Variants in COL14A1 observed in about 807,000 individuals in gnomAD.
COL14A1 encodes the protein collagen type XIV alpha 1 chain.
Under a neutral mutation model 230.3 loss-of-function variants are expected in COL14A1, and 136 were observed. That is an observed-to-expected ratio of 0.59 (90% CI 0.51 to 0.68). The LOEUF is 0.68. Among genes scored for constraint, COL14A1 ranks in the 30% least tolerant of loss-of-function variants. The pLI is 0.00. For synonymous variants in COL14A1, 792 were observed against 784.1 expected (o/e 1.01, Z -0.17); for missense variants, 1,976 against 2,215.8 (o/e 0.89, Z 2.17).
intron 34 of COL14A1, among the ~76,000 whole-genome samples, chr8:120,295,906 C>G (rs1454642267): frequency 6.6e-6 from 1 of 151,828 alleles, no homozygotes; most frequent in East Asian, 1.9e-4. Flanking sequence ...CCCAGGCAGT[C>G]TAGCTCCATA....
intron 14 of COL14A1, among the ~76,000 whole-genome samples, chr8:120,217,445 G>T (rs1817789530): frequency 1.3e-5 from 2 of 152,150 alleles, no homozygotes; most frequent in African/African-American, 4.8e-5. Context: ...CTAAGGCAAA[G>T]AAGGAAATAT....
In COL14A1 at chr8:120,209,902, G is replaced by A. The variant is rs764414167; in HGVS notation, c.1467+1G>A. ...GGGCCTGGCTGGGGATGAAAAAGAG[G>A]TAACCACTTCCTACCTATTACAGTC... On this transcript the variant is annotated splice_donor_variant, in intron 12 of 47. Coordinates refer to ENST00000297848, the MANE Select transcript of COL14A1 (RefSeq NM_021110.4). LOFTEE classifies it high-confidence loss of function. 1.9e-6 allele frequency: 3 copies of A among 1,601,036 alleles called. No individual in the cohort carries two copies. The highest frequency in any genetic ancestry group is 1.7e-6 in the Non-Finnish European group (2 of 1,175,226).
intron 42 of COL14A1, among the ~76,000 whole-genome samples, chr8:120,340,105 AGTGAGT>A (rs986529247): frequency 2.2e-4 from 25 of 112,050 alleles, no homozygotes; most frequent in African/African-American, 9.2e-4. Context: ...TTTGTGAGTG[AGTGAGT>A]GTGTGTGTGT....
At chr8:120,254,992 A>AAAAC (rs879712894) in intron 22 of COL14A1, among the ~76,000 whole-genome samples, 1 of 152,176 alleles carries the variant, frequency 6.6e-6, no homozygotes, top group South Asian at 2.1e-4. Context: ...ACCCCATCTC[A>AAAAC]AAACAAACAA....
chr8:120,258,674 C>A (rs368612408), intron 23 of COL14A1, among the ~76,000 whole-genome samples: 48 of 152,230 alleles, frequency 3.2e-4, no homozygotes, highest in African/African-American at 1.1e-3. Flanking sequence ...AAAGTCTTCT[C>A]AGGAAAGACT....
chr8:120,128,551 A>C lies in COL14A1; in HGVS notation c.-38+3211A>C, dbSNP rs554702078. ...AGAGTTCAAGGCCAGCATGGCCAAC[A>C]TGGCAAAACCCCATCTCTACTAAAA... On this transcript the variant is annotated intron_variant, in intron 1 of 47. Coordinates refer to ENST00000297848, the MANE Select transcript of COL14A1 (RefSeq NM_021110.4). Among the ~76,000 whole-genome samples the C allele has an allele frequency of 2.0e-5, 3 of 152,320 alleles. No individual in the cohort carries two copies. The South Asian group carries it at 6.2e-4, about 32-fold the overall frequency.
chr8:120,131,084 G>A (rs1234527297), intron 1 of COL14A1, among the ~76,000 whole-genome samples: 2 of 152,182 alleles, frequency 1.3e-5, no homozygotes, highest in East Asian at 3.8e-4. Flanking sequence ...ATTCCATGGT[G>A]TATATGTACC....
At chr8:120,267,263 C>T (rs928693192) in intron 25 of COL14A1, among the ~76,000 whole-genome samples, 1 of 151,890 alleles carries the variant, frequency 6.6e-6, no homozygotes, top group East Asian at 1.9e-4. Flanking sequence ...TTCCTCATCA[C>T]AACAGTTCCT....
At chr8:120,177,035 G>A (rs1816305186) in intron 5 of COL14A1, among the ~76,000 whole-genome samples, 1 of 152,170 alleles carries the variant, frequency 6.6e-6, no homozygotes, top group Admixed American at 6.5e-5. Context: ...TGAGGGAAAA[G>A]TCTTGAGAAT....
At chr8:120,304,927 G>A (rs1225986047) in intron 36 of COL14A1, among the ~76,000 whole-genome samples, 1 of 151,938 alleles carries the variant, frequency 6.6e-6, no homozygotes, top group Non-Finnish European at 1.5e-5. Context: ...TTACAAAGAA[G>A]CAGTGGAAAT....
Position 120,296,675 on chromosome 8 carries a change from G to A in COL14A1, c.4237-836G>A, listed in dbSNP as rs569616099. ...GGAAGAAATATAGTAAAAATGATTG[G>A]GTCATTAAGCTAGTGTTAGCCCTTA... On this transcript the variant is annotated intron_variant, in intron 34 of 47. Transcript: ENST00000297848. 3.4e-4 allele frequency among the ~76,000 whole-genome samples: 51 copies of A among 151,958 alleles called. No individual in the cohort carries two copies. In the South Asian group the frequency reaches 9.8e-3, roughly 29 times the overall value.
intron 4 of COL14A1, among the ~76,000 whole-genome samples, chr8:120,167,087 A>T (rs1452219026): frequency 6.6e-6 from 1 of 151,582 alleles, no homozygotes; most frequent in Non-Finnish European, 1.5e-5. Context: ...TATATCCTGG[A>T]ATTTAATCTC....
chr8:120,341,597 A>G (rs1211156246), intron 43 of COL14A1, among the ~76,000 whole-genome samples: 1 of 152,206 alleles, frequency 6.6e-6, no homozygotes, highest in Non-Finnish European at 1.5e-5. Context: ...ATCCAGGTCA[A>G]TGAACTTGGG....
intron 40 of COL14A1, among the ~76,000 whole-genome samples, chr8:120,326,308 A>G (rs1224805035): frequency 6.6e-6 from 1 of 152,230 alleles, no homozygotes; most frequent in East Asian, 1.9e-4. Flanking sequence ...TTGGAACTCT[A>G]TAGTCTCTCA....
At chr8:120,202,963 A>G (rs1817297705) in intron 8 of COL14A1, among the ~76,000 whole-genome samples, 2 of 142,450 alleles carry the variant, frequency 1.4e-5, no homozygotes, top group Non-Finnish European at 3.1e-5. Context: ...TCCTTGGCTT[A>G]ATGCTATACA....
At chr8:120,167,128 A>G (rs1477406210) in intron 4 of COL14A1, among the ~76,000 whole-genome samples, 1 of 152,120 alleles carries the variant, frequency 6.6e-6, no homozygotes, top group Non-Finnish European at 1.5e-5. Context: ...AAGGTTTCTA[A>G]GAAAAGGAAT....
chr8:120,175,433 C>T (rs1345280554), intron 5 of COL14A1, among the ~76,000 whole-genome samples: 2 of 151,950 alleles, frequency 1.3e-5, no homozygotes, highest in Non-Finnish European at 2.9e-5. Flanking sequence ...CACCAGCCTT[C>T]TTTGTTTTGT....
At chr8:120,224,426 G>A (rs1818032408) in intron 14 of COL14A1, among the ~76,000 whole-genome samples, 1 of 152,192 alleles carries the variant, frequency 6.6e-6, no homozygotes, top group African/African-American at 2.4e-5. Flanking sequence ...ATCATTTGGT[G>A]TTGCTCCCGT....
At chr8:120,366,016 C>CA (rs1342579861) in intron 45 of COL14A1, among the ~76,000 whole-genome samples, 2 of 152,138 alleles carry the variant, frequency 1.3e-5, no homozygotes, top group African/African-American at 4.8e-5. Context: ...AGTGTAAAAA[C>CA]AAAAAACCAA....
Sources: gnomAD v4.1 joint callset for allele counts (sites outside exome capture counted in the v4.1 genomes callset) on GRCh38, gnomAD v4.1.1 for gene constraint, MANE v1.5 for transcripts, NCBI Gene and HGNC (gene_info 2026-07-23, HGNC 2026-07-21) for gene names.